Variants in COLEC12 observed in about 807,000 individuals in gnomAD.
COLEC12 encodes the protein collectin-12.
COLEC12 carries 33 observed loss-of-function variants against 71.1 expected under a neutral mutation model. That is an observed-to-expected ratio of 0.46 (90% CI 0.35 to 0.62). COLEC12 has a LOEUF of 0.62. COLEC12 is among the 20% of genes least tolerant of loss of function. COLEC12 has a pLI of 0.00. For synonymous variants in COLEC12, 350 were observed against 353.0 expected (o/e 0.99, Z 0.10); for missense variants, 765 against 916.1 (o/e 0.84, Z 2.13).
intron 2 of COLEC12, among the ~76,000 whole-genome samples, chr18:471,945 T>A (rs1447630705): frequency 6.6e-6 from 1 of 152,014 alleles, no homozygotes; most frequent in Non-Finnish European, 1.5e-5. Context: ...CTGCTTTGCC[T>A]CTAAAAAAAA....
intron 2 of COLEC12, among the ~76,000 whole-genome samples, chr18:371,817 C>T (rs925801320): frequency 2.0e-5 from 3 of 152,136 alleles, no homozygotes; most frequent in Admixed American, 1.3e-4. Flanking sequence ...GACACAAACT[C>T]TTTCTGTTCC....
At chr18:389,908 G>C (rs1030610702) in intron 2 of COLEC12, among the ~76,000 whole-genome samples, 1 of 152,126 alleles carries the variant, frequency 6.6e-6, no homozygotes, top group Non-Finnish European at 1.5e-5. Context: ...CACAGATCTG[G>C]CCACAAAGGC....
At chr18:368,845 A>T (rs111564480) in intron 2 of COLEC12, among the ~76,000 whole-genome samples, 1 of 152,184 alleles carries the variant, frequency 6.6e-6, no homozygotes. Flanking sequence ...CAGCCTGGGC[A>T]ACAGAGCGAG....
intron 2 of COLEC12, among the ~76,000 whole-genome samples, chr18:464,728 G>T (rs1294138994): frequency 5.9e-5 from 9 of 152,186 alleles, no homozygotes; most frequent in Admixed American, 5.9e-4. Flanking sequence ...CAATCCCAGG[G>T]TCCAGCATCA....
chr18:481,744 C>T (rs1023140777), intron 1 of COLEC12, among the ~76,000 whole-genome samples: 2 of 152,006 alleles, frequency 1.3e-5, no homozygotes, highest in African/African-American at 4.8e-5. Flanking sequence ...ATCACCCAAC[C>T]TTTCTACCAA....
intron 2 of COLEC12, among the ~76,000 whole-genome samples, chr18:430,874 T>C (rs939803844): frequency 4.0e-4 from 61 of 152,344 alleles, no homozygotes; most frequent in Non-Finnish European, 7.8e-4. Flanking sequence ...ATTTTGGAAA[T>C]ATAGAATGAC....
intron 2 of COLEC12, among the ~76,000 whole-genome samples, chr18:417,269 T>C (rs1916006197): frequency 6.6e-6 from 1 of 152,220 alleles, no homozygotes; most frequent in Non-Finnish European, 1.5e-5. Context: ...ATGTTAAGTA[T>C]TTGTGTATCT....
chr18:320,137 G>A, intron 9 of COLEC12, 73 bp from the exon 10 acceptor site: 1 of 858,142 alleles, frequency 1.2e-6, no homozygotes, highest in African/African-American at 1.7e-5. Flanking sequence ...CAAAAAAAGG[G>A]AACGTGTATT....
chr18:466,507 C>G (rs1295023310), intron 2 of COLEC12, among the ~76,000 whole-genome samples: 2 of 152,104 alleles, frequency 1.3e-5, no homozygotes, highest in Admixed American at 1.3e-4. Context: ...GGCTCTGTCT[C>G]CCCAGAATCT....
Position 395,147 on chromosome 18 carries a change from T to C in COLEC12, c.59-37625A>G, listed in dbSNP as rs191393215. ...GGAGACAAGGTGAATGAAAGCCAAG[T>C]GTGGAAGAATGCAGCAGAAATTTAG... is the stretch of plus-strand genomic sequence containing the variant. On this transcript the variant is annotated intron_variant, in intron 2 of 9. Coordinates refer to ENST00000400256, the MANE Select transcript of COLEC12 (RefSeq NM_130386.3). Among the ~76,000 whole-genome samples, 8 of 152,298 alleles carry C rather than the reference T, an allele frequency of 5.3e-5. No individual in the cohort carries two copies. In the East Asian group the frequency reaches 1.4e-3, roughly 26 times the overall value.
At chr18:489,587 A>G (rs1051672082) in intron 1 of COLEC12, among the ~76,000 whole-genome samples, 2 of 152,190 alleles carry the variant, frequency 1.3e-5, no homozygotes, top group Non-Finnish European at 2.9e-5. Flanking sequence ...GGGAAAGTAG[A>G]AGGGACTTGG....
At chr18:452,304 A>G (rs1184542871) in intron 2 of COLEC12, among the ~76,000 whole-genome samples, 1 of 152,222 alleles carries the variant, frequency 6.6e-6, no homozygotes, top group Admixed American at 6.5e-5. Flanking sequence ...ACTTTGGGCA[A>G]TTTATACAAT....
intron 2 of COLEC12, chr18:423,767 T>G (rs563679219): frequency 6.6e-6 from 1 of 152,454 alleles, no homozygotes; most frequent in South Asian, 2.1e-4. Context: ...TGTTTTGTTT[T>G]TTTTTCCCAG....
chr18:333,388 G>C, intron 6 of COLEC12: 1 of 367,248 alleles, frequency 2.7e-6, no homozygotes, highest in Non-Finnish European at 4.9e-6. Context: ...GTTCTTCTGT[G>C]TCTGGATCCG....
chr18:492,192 A>G (rs949116037), intron 1 of COLEC12, among the ~76,000 whole-genome samples: 2 of 152,190 alleles, frequency 1.3e-5, no homozygotes, highest in Non-Finnish European at 2.9e-5. Context: ...CTTTTGATTC[A>G]ATTGCACAGT....
chr18:411,217 C>A (rs1188778718), intron 2 of COLEC12, among the ~76,000 whole-genome samples: 5 of 152,154 alleles, frequency 3.3e-5, no homozygotes, highest in African/African-American at 1.2e-4. Flanking sequence ...CCTACCCGTC[C>A]CTTGCTGAAG....
At chr18:412,629 C>CTGTT (rs77606235) in intron 2 of COLEC12, among the ~76,000 whole-genome samples, 49,196 of 151,800 alleles carry the variant, frequency 0.32, 8,461 homozygotes, top group South Asian at 0.55. Context: ...AATTATAAAA[C>CTGTT]TGGTCTGGTT....
intron 2 of COLEC12, among the ~76,000 whole-genome samples, chr18:467,924 T>C (rs1419590517): frequency 1.3e-5 from 2 of 152,004 alleles, no homozygotes; most frequent in Non-Finnish European, 2.9e-5. Context: ...AGATACAAAA[T>C]ATTTATTTTG....
chr18:401,085 A>C (rs1013091310), intron 2 of COLEC12, among the ~76,000 whole-genome samples: 10 of 152,184 alleles, frequency 6.6e-5, no homozygotes, highest in African/African-American at 2.4e-4. Context: ...TGGAAACACC[A>C]ATCTCATAAC....
Sources: gnomAD v4.1 joint callset for allele counts (sites outside exome capture counted in the v4.1 genomes callset) on GRCh38, gnomAD v4.1.1 for gene constraint, MANE v1.5 for transcripts, NCBI Gene and HGNC (gene_info 2026-07-23, HGNC 2026-07-21) for gene names.